The following ACTR3 variants were observed in gnomAD, a reference collection of about 807,000 sequenced individuals.
The protein encoded by ACTR3 is actin related protein 3.
Under a neutral mutation model 56.8 loss-of-function variants are expected in ACTR3, and 12 were observed. The observed-to-expected ratio is 0.21, with a 90% CI of 0.14 to 0.34. ACTR3 has a LOEUF of 0.34. Among genes scored for constraint, ACTR3 ranks in the 10% least tolerant of loss-of-function variants. ACTR3 has a pLI of 1.00. For synonymous variants in ACTR3, 162 were observed against 167.4 expected (o/e 0.97, Z 0.25); for missense variants, 282 against 512.5 (o/e 0.55, Z 4.34).
At chr2:113,931,273 C>A in intron 4 of ACTR3, 28 bp from the exon 5 acceptor site, 1 of 1,297,674 alleles carries the variant, frequency 7.7e-7, no homozygotes, top group South Asian at 1.4e-5. Context: ...CTGATATTAT[C>A]TATTTAAAAT....
chr2:113,936,092 A>G (rs1172982607), intron 6 of ACTR3, among the ~76,000 whole-genome samples: 3 of 152,124 alleles, frequency 2.0e-5, no homozygotes, highest in Admixed American at 6.5e-5. Flanking sequence ...TAGGAGTTCA[A>G]GACCAACAGG....
chr2:113,946,692 GAAGCTCTTT>G (rs1178127597), intron 8 of ACTR3, among the ~76,000 whole-genome samples: 1 of 152,152 alleles, frequency 6.6e-6, no homozygotes, highest in Non-Finnish European at 1.5e-5. Context: ...TTGCTGTGCA[GAAGCTCTTT>G]AATTAGATCC....
intron 8 of ACTR3, among the ~76,000 whole-genome samples, chr2:113,942,976 A>G (rs1422650275): frequency 6.6e-6 from 1 of 152,170 alleles, no homozygotes; most frequent in Non-Finnish European, 1.5e-5. Flanking sequence ...TTATTTTTAA[A>G]ATTTTGTTTA....
chr2:113,940,000 A>C lies in ACTR3; in HGVS notation c.582A>C (p.Pro194=). The change falls in exon 7 of 12, where the codon CCA becomes CCC. Residue 194 remains proline (P), a synonymous_variant. Transcript: ENST00000263238. ...YVIGSCIKHI[P]IAGRDITYFI... ...TTGGCAGCTGTATTAAACACATTCC[A>C]ATCGCAGGACGAGATATAACATATT... 1 of 1,613,180 alleles carries C rather than the reference A, an allele frequency of 6.2e-7. No individual in the cohort carries two copies. Among genetic ancestry groups the C allele is most frequent in the African/African-American group, 1.3e-5 (1 of 75,044 alleles).
In ACTR3 at chr2:113,913,220, C is replaced by T. The variant is rs1679340228; in HGVS notation, c.93C>T (p.Ile31=). ...GAAATACAGAACCACAGTTTATCATCCCTTCCTGTAAGTATTTCTTTTAAG... is the reference window on the plus strand; with the variant it reads ...GAAATACAGAACCACAGTTTATCATTCCTTCCTGTAAGTATTTCTTTTAAG... ...YAGNTEPQFI[I]PSCIAIKESA... Residue 31 remains isoleucine, a synonymous_variant, in exon 2 of 12, where the codon ATC becomes ATT. Coordinates refer to ENST00000263238, the MANE Select transcript of ACTR3 (RefSeq NM_005721.5). The T allele has an allele frequency of 1.3e-6, 2 of 1,590,736 alleles. No homozygotes were observed. Among genetic ancestry groups the T allele is most frequent in the African/African-American group, 2.7e-5 (2 of 73,788 alleles).
intron 1 of ACTR3, among the ~76,000 whole-genome samples, chr2:113,907,292 G>A (rs1035642360): frequency 1.3e-5 from 2 of 152,204 alleles, no homozygotes; most frequent in African/African-American, 4.8e-5. Flanking sequence ...ATTTTTTAAA[G>A]ACGGGGTCTT....
At chr2:113,915,731 C>T (rs959275199) in intron 2 of ACTR3, among the ~76,000 whole-genome samples, 2 of 152,032 alleles carry the variant, frequency 1.3e-5, no homozygotes, top group Non-Finnish European at 2.9e-5. Flanking sequence ...ACTATTGAAT[C>T]CATTTTTTAT....
chr2:113,944,343 C>G (rs1312740027), intron 8 of ACTR3, among the ~76,000 whole-genome samples: 1 of 151,874 alleles, frequency 6.6e-6, no homozygotes, highest in Non-Finnish European at 1.5e-5. Context: ...GGGCTTACTC[C>G]AGTTACAGGA....
chr2:113,892,275 G>A (rs2104575963), intron 1 of ACTR3, among the ~76,000 whole-genome samples: 1 of 152,300 alleles, frequency 6.6e-6, no homozygotes, highest in African/African-American at 2.4e-5. Context: ...GGGAAGAGGG[G>A]TTCAATTTAA....
At chr2:113,930,983 G>A (rs1368442698) in intron 4 of ACTR3, among the ~76,000 whole-genome samples, 1 of 151,946 alleles carries the variant, frequency 6.6e-6, no homozygotes, top group East Asian at 1.9e-4. Context: ...TGATTTGACT[G>A]GACCACCTTT....
chr2:113,927,363 A>G lies in ACTR3; in HGVS notation c.244A>G (p.Ile82Val), dbSNP rs1679641293. 1.3e-6 allele frequency: 2 copies of G among 1,584,530 alleles called. No homozygotes were observed. Among genetic ancestry groups the G allele is most frequent in the Non-Finnish European group, 8.6e-7 (1 of 1,164,368 alleles). ...YATKWPIRHGIVEDWDLMERF... is the reference protein window; with the variant it reads ...YATKWPIRHGVVEDWDLMERF... ...TTAATAGTGGCCAATCCGCCATGGTATAGTTGAAGATTGGGACTTAATGGA... is the reference window on the plus strand; with the variant it reads ...TTAATAGTGGCCAATCCGCCATGGTGTAGTTGAAGATTGGGACTTAATGGA... Residue 82 changes from isoleucine to valine, a missense_variant, in exon 4 of 12, where the codon ATA becomes GTA. Transcript: ENST00000263238.
Position 113,890,163 on chromosome 2 carries a change from A to G in ACTR3, c.-117A>G. 1 of 1,362,396 alleles carries G rather than the reference A, an allele frequency of 7.3e-7. No homozygotes were observed. The highest frequency in any genetic ancestry group is 1.2e-5 in the South Asian group (1 of 80,324). 84.4% of individuals were successfully genotyped at this position (1,362,396 alleles called of 1,614,324 possible). ...CTTCGGCTTCCCGGCTACCCCCCGG[A>G]CGGTGAAGGCGGCCCAGCTGTGGAT... On this transcript the variant is annotated 5_prime_UTR_variant, in exon 1 of 12. Coordinates refer to ENST00000263238, the MANE Select transcript of ACTR3 (RefSeq NM_005721.5).
chr2:113,942,365 T>A lies in ACTR3; in HGVS notation c.858+6T>A. 1 of 1,560,656 alleles carries A rather than the reference T, an allele frequency of 6.4e-7. No individual in the cohort carries two copies. ...AAATCTTTTTTCATCCAGAGGTAAT[T>A]TTTTTTAACGGAATTGTTTAAAAGT... is the stretch of plus-strand genomic sequence containing the variant. On this transcript the variant is annotated splice_donor_region_variant and intron_variant, in intron 8 of 11. Coordinates refer to ENST00000263238, the MANE Select transcript of ACTR3 (RefSeq NM_005721.5).
At position 113,927,549 on chromosome 2, in the gene ACTR3, A is replaced by G. The variant is rs1679644107; in HGVS notation, c.336+94A>G. The G allele has an allele frequency of 3.9e-6, 3 of 776,848 alleles. No individual in the cohort carries two copies. In the South Asian group the frequency reaches 6.2e-5, roughly 16 times the overall value. The allele number at this position is 776,848 out of a possible 1,614,324, so 48.1% of individuals were successfully genotyped here. ...CTTCTTTGGTATACTTTGGTTATTAAATTGTCATATGTCTAAATGACTTTG... is the reference window on the plus strand; with the variant it reads ...CTTCTTTGGTATACTTTGGTTATTAGATTGTCATATGTCTAAATGACTTTG... On this transcript the variant is annotated intron_variant, in intron 4 of 11. Transcript: ENST00000263238.
At chr2:113,920,012 C>CAGG (rs1195527797) in intron 3 of ACTR3, among the ~76,000 whole-genome samples, 1 of 152,234 alleles carries the variant, frequency 6.6e-6, no homozygotes, top group African/African-American at 2.4e-5. Flanking sequence ...CATCCTCCAC[C>CAGG]TCCTGGGTTC....
rs1177716171 is a variant in ACTR3 at position 113,958,624 on chromosome 2, A to G, written c.*1169A>G. The G allele has an allele frequency of 6.6e-6, 1 of 151,906 alleles. No individual in the cohort carries two copies. The highest frequency in any genetic ancestry group is 6.6e-5 in the Admixed American group (1 of 15,196). The allele number at this position is 151,906 out of a possible 1,614,324, so 9.4% of individuals were successfully genotyped here. A position where few individuals can be genotyped will look rare whatever the true frequency, so the allele number is the denominator to read the frequency against. On this transcript the variant is annotated 3_prime_UTR_variant, in exon 12 of 12. Transcript: ENST00000263238. ...ATGTTTTTTTTTTTTAAGTAATGTA[A>G]TTCTATTTTGTTTTTATGTATGTGA... is the stretch of plus-strand genomic sequence containing the variant.
intron 8 of ACTR3, among the ~76,000 whole-genome samples, 159 bp downstream of exon 8, chr2:113,942,518 A>T (rs1263495276): frequency 6.6e-6 from 1 of 152,112 alleles, no homozygotes; most frequent in Non-Finnish European, 1.5e-5. Context: ...TTAAAGAAAA[A>T]ATTTGCTTTT....
intron 11 of ACTR3, among the ~76,000 whole-genome samples, chr2:113,956,377 ATT>A (rs768293151): frequency 1.9e-4 from 27 of 141,802 alleles, no homozygotes; most frequent in Non-Finnish European, 1.9e-4. Flanking sequence ...TTTGAATTTA[ATT>A]TTTTTTTTTT....
chr2:113,942,383 TTAAAAG>T, intron 8 of ACTR3, 24 bp downstream of exon 8: 1 of 1,504,716 alleles, frequency 6.6e-7, no homozygotes, highest in Non-Finnish European at 8.9e-7. Flanking sequence ...ACGGAATTGT[TTAAAAG>T]TATTCAGCAG....
Sources: gnomAD v4.1 joint callset for allele counts (sites outside exome capture counted in the v4.1 genomes callset) on GRCh38, gnomAD v4.1.1 for gene constraint, MANE v1.5 for transcripts, NCBI Gene and HGNC (gene_info 2026-07-23, HGNC 2026-07-21) for gene names.